Variants in PCDHB5 observed in about 807,000 individuals in gnomAD.
The protein encoded by PCDHB5 is protocadherin beta 5.
For synonymous variants in PCDHB5, 569 were observed against 462.2 expected (o/e 1.23, Z -2.96); for missense variants, 1,125 against 1,029.4 (o/e 1.09, Z -1.27).
rs782178657 is a variant in PCDHB5 at position 141,136,434 on chromosome 5, A to G, written c.1000A>G (p.Ile334Val). ...GGLSGKCTVA[I>V]EVVDVNDNAP... is the part of the protein sequence containing the mutation. ...CCTTTCAGGAAAATGCACTGTGGCT[A>G]TAGAAGTGGTGGATGTGAATGACAA... is the stretch of plus-strand genomic sequence containing the variant. The change falls in exon 1 of 1, where the codon ATA becomes GTA. Residue 334 changes from isoleucine (I) to valine (V), a missense_variant. Ile to Val is a conservative substitution (Grantham distance 29). Transcript: ENST00000231134. The G allele has an allele frequency of 6.2e-7, 1 of 1,614,180 alleles. No individual in the cohort carries two copies. Among genetic ancestry groups the G allele is most frequent in the Non-Finnish European group, 8.5e-7 (1 of 1,180,034 alleles).
Position 141,137,387 on chromosome 5 carries a change from C to T in PCDHB5, c.1953C>T (p.Arg651=), listed in dbSNP as rs782607165. 3 of 1,609,302 alleles carry T rather than the reference C, an allele frequency of 1.9e-6. No individual in the cohort carries two copies. The highest frequency in any genetic ancestry group is 3.3e-5 in the Admixed American group (2 of 59,916). ...TCAAGGACAATGGCGAGCCTCCGCG[C>T]TCGGCCACCGCCACGCTGCACGTGC... ...VLVKDNGEPP[R]SATATLHVLL... The change falls in exon 1 of 1, where the codon CGC becomes CGT. Residue 651 remains arginine (R), a synonymous_variant. Coordinates refer to ENST00000231134, the MANE Select transcript of PCDHB5 (RefSeq NM_015669.5).
rs1563869958 is a variant in PCDHB5 at position 141,135,471 on chromosome 5, C to T, written c.37C>T (p.Gln13Ter). The change falls in exon 1 of 1, where the codon CAA (glutamine) becomes TAA (stop). Residue 13 changes from glutamine to a stop codon, truncating the protein, a stop_gained. Transcript: ENST00000231134. LOFTEE classifies it low-confidence loss of function (END_TRUNC). ...TALAKTPQKR[Q>*]VMFLAILLLL... ...GCTAGCAAAAACGCCACAGAAAAGG[C>T]AAGTTATGTTTCTTGCTATATTGTT... The T allele has an allele frequency of 1.2e-6, 2 of 1,612,614 alleles. No homozygotes were observed. The highest frequency in any genetic ancestry group is 2.2e-5 in the East Asian group (1 of 44,882).
In PCDHB5 at chr5:141,135,409, T is replaced by G; in HGVS notation, c.-26T>G. ...GGGTGGATTGTGTACGGAGTTAAACTGCGCCTTCTGGACCGGGTCTGAACA... is the reference window on the plus strand; with the variant it reads ...GGGTGGATTGTGTACGGAGTTAAACGGCGCCTTCTGGACCGGGTCTGAACA... On this transcript the variant is annotated 5_prime_UTR_variant, in exon 1 of 1. Coordinates refer to ENST00000231134, the MANE Select transcript of PCDHB5 (RefSeq NM_015669.5). 1 of 1,506,564 alleles carries G rather than the reference T, an allele frequency of 6.6e-7. No individual in the cohort carries two copies. The highest frequency in any genetic ancestry group is 9.0e-7 in the Non-Finnish European group (1 of 1,106,924). 93.3% of individuals were successfully genotyped at this position (1,506,564 alleles called of 1,614,324 possible).
chr5:141,138,214 A>G lies in PCDHB5; in HGVS notation c.*392A>G, dbSNP rs1323347286. The G allele has an allele frequency of 1.2e-5, 2 of 165,652 alleles. No homozygotes were observed. Among genetic ancestry groups the G allele is most frequent in the African/African-American group, 4.8e-5 (2 of 41,774 alleles). The allele number at this position is 165,652 out of a possible 1,614,324, so 10.3% of individuals were successfully genotyped here. A position where few individuals can be genotyped will look rare whatever the true frequency, so the allele number is the denominator to read the frequency against. On this transcript the variant is annotated 3_prime_UTR_variant, in exon 1 of 1. Coordinates refer to ENST00000231134, the MANE Select transcript of PCDHB5 (RefSeq NM_015669.5). The stretch of plus-strand genomic sequence containing the variant: ...GCAAAAATTAAAAATGTTTCACATC[A>G]TCATATTTTAATTGTTTAAAACAAA...
Position 141,136,102 on chromosome 5 carries a change from C to A in PCDHB5, c.668C>A (p.Ser223Tyr). The A allele has an allele frequency of 1.2e-6, 2 of 1,614,132 alleles. No homozygotes were observed. The highest frequency in any genetic ancestry group is 1.7e-6 in the Non-Finnish European group (2 of 1,179,966). ...CTGGACGGTGGGGCTCCGCCCAGGT[C>A]CGGGACCACCACAATTCGCATTGTC... ...TALDGGAPPR[S>Y]GTTTIRIVVL... The change falls in exon 1 of 1, where the codon TCC becomes TAC. Residue 223 changes from serine (S) to tyrosine (Y), a missense_variant. Ser to Tyr is a moderately radical substitution (Grantham distance 144, BLOSUM62 -2). Transcript: ENST00000231134.
At position 141,136,679 on chromosome 5, in the gene PCDHB5, G is replaced by A. The variant is rs782572449; in HGVS notation, c.1245G>A (p.Glu415=). The A allele has an allele frequency of 5.6e-6, 9 of 1,614,130 alleles. No homozygotes were observed. The South Asian group carries it at 9.9e-5, about 18-fold the overall frequency. Residue 415 remains glutamate (E), a synonymous_variant, in exon 1 of 1, where the codon GAG becomes GAA. Transcript: ENST00000231134. ...QRTLDRESQA[E]YNITITVTDM... Reference sequence around the variant, plus strand: ...CACTGGACAGAGAGAGCCAAGCCGAGTACAACATCACCATCACTGTCACCG... The same window carrying A: ...CACTGGACAGAGAGAGCCAAGCCGAATACAACATCACCATCACTGTCACCG...
Position 141,136,707 on chromosome 5 carries a change from A to T in PCDHB5, c.1273A>T (p.Met425Leu), listed in dbSNP as rs782263918. 2.0e-5 allele frequency: 32 copies of T among 1,614,046 alleles called. No individual in the cohort carries two copies. In the South Asian group the frequency reaches 3.3e-4, roughly 17 times the overall value. Residue 425 changes from methionine to leucine, a missense_variant, in exon 1 of 1, where the codon ATG becomes TTG. Met to Leu is a conservative substitution (Grantham distance 15). Transcript: ENST00000231134. ...CAACATCACCATCACTGTCACCGAC[A>T]TGGGGACACCCAGGCTGAAAACCGA... is the stretch of plus-strand genomic sequence containing the variant. ...EYNITITVTD[M>L]GTPRLKTEHN...
chr5:141,136,245 G>A lies in PCDHB5; in HGVS notation c.811G>A (p.Ala271Thr). ...VVVVSARDLD[A>T]GAYGSVAYAL... ...CGTTGTCTCCGCTCGAGATTTAGAT[G>A]CAGGAGCATATGGGAGTGTAGCCTA... Residue 271 changes from alanine to threonine, a missense_variant, in exon 1 of 1, where the codon GCA becomes ACA. Transcript: ENST00000231134. The A allele has an allele frequency of 6.2e-7, 1 of 1,614,136 alleles. No homozygotes were observed. The highest frequency in any genetic ancestry group is 1.1e-5 in the South Asian group (1 of 91,064).
rs1752551474 is a variant in PCDHB5 at position 141,135,647 on chromosome 5, C to CA, written c.216dup (p.Glu73ArgfsTer6). ...GCGCGCGAATGCATTACAAAGGAAA[C>CA]AAAGAGCTCTTGCAGCTTGATATAA... is the stretch of plus-strand genomic sequence containing the variant. On this transcript the variant is annotated frameshift_variant, in exon 1 of 1. Coordinates refer to ENST00000231134, the MANE Select transcript of PCDHB5 (RefSeq NM_015669.5). LOFTEE classifies it low-confidence loss of function (END_TRUNC). The CA allele has an allele frequency of 1.2e-6, 2 of 1,614,070 alleles. No individual in the cohort carries two copies. Among genetic ancestry groups the CA allele is most frequent in the African/African-American group, 1.3e-5 (1 of 75,012 alleles).
In PCDHB5 at chr5:141,136,347, G is replaced by T; in HGVS notation, c.913G>T (p.Ala305Ser). ...EKTAEIRLKR[A>S]LDFEATPYYN... ...AACAGCAGAAATTCGCCTGAAAAGGGCATTGGATTTCGAGGCAACTCCATA... is the reference window on the plus strand; with the variant it reads ...AACAGCAGAAATTCGCCTGAAAAGGTCATTGGATTTCGAGGCAACTCCATA... Residue 305 changes from alanine to serine, a missense_variant, in exon 1 of 1, where the codon GCA becomes TCA. Ala to Ser is a moderately conservative substitution (Grantham distance 99). Coordinates refer to ENST00000231134, the MANE Select transcript of PCDHB5 (RefSeq NM_015669.5). 1.2e-6 allele frequency: 2 copies of T among 1,614,122 alleles called. No homozygotes were observed. The highest frequency in any genetic ancestry group is 1.7e-4 in the Middle Eastern group (1 of 6,060).
In PCDHB5 at chr5:141,137,867, T is replaced by G; in HGVS notation, c.*45T>G. 6.6e-7 allele frequency: 1 copy of G among 1,504,064 alleles called. No individual in the cohort carries two copies. The highest frequency in any genetic ancestry group is 1.3e-5 in the South Asian group (1 of 75,130). The allele number at this position is 1,504,064 out of a possible 1,614,324, so 93.2% of individuals were successfully genotyped here. A position where few individuals can be genotyped will look rare whatever the true frequency, so the allele number is the denominator to read the frequency against. ...TGTTTTCTGCCATTTATCCCAAACT[T>G]TTTCAGATCTAGAATTCGAGAGTGT... On this transcript the variant is annotated 3_prime_UTR_variant, in exon 1 of 1. Transcript: ENST00000231134.
chr5:141,137,402 G>C lies in PCDHB5; in HGVS notation c.1968G>C (p.Thr656=), dbSNP rs1554276190. The change falls in exon 1 of 1, where the codon ACG becomes ACC. Residue 656 remains threonine (T), a synonymous_variant. Coordinates refer to ENST00000231134, the MANE Select transcript of PCDHB5 (RefSeq NM_015669.5). Reference sequence around the variant, plus strand: ...AGCCTCCGCGCTCGGCCACCGCCACGCTGCACGTGCTCCTGGTGGACGGCT... The same window carrying C: ...AGCCTCCGCGCTCGGCCACCGCCACCCTGCACGTGCTCCTGGTGGACGGCT... ...NGEPPRSATA[T]LHVLLVDGFS... is the part of the protein sequence containing the mutation. 6.2e-7 allele frequency: 1 copy of C among 1,610,284 alleles called. No homozygotes were observed. Among genetic ancestry groups the C allele is most frequent in the Non-Finnish European group, 8.5e-7 (1 of 1,179,254 alleles).
In PCDHB5 at chr5:141,135,722, C is replaced by A; in HGVS notation, c.288C>A (p.Cys96Ter). 1 of 1,613,970 alleles carries A rather than the reference C, an allele frequency of 6.2e-7. No homozygotes were observed. Among genetic ancestry groups the A allele is most frequent in the Non-Finnish European group, 8.5e-7 (1 of 1,179,968 alleles). The change falls in exon 1 of 1, where the codon TGC becomes TGA. Residue 96 changes from cysteine (C) to a stop codon, truncating the protein, a stop_gained. Coordinates refer to ENST00000231134, the MANE Select transcript of PCDHB5 (RefSeq NM_015669.5). LOFTEE classifies it low-confidence loss of function (END_TRUNC). Reference sequence around the variant, plus strand: ...AAAAACTAGACCGGGAGGTGATGTGCGGGGCGACAGAACCCTGTATATTGC... The same window carrying A: ...AAAAACTAGACCGGGAGGTGATGTGAGGGGCGACAGAACCCTGTATATTGC... The part of the protein sequence containing the change: ...LYEKLDREVM[C>*]GATEPCILHF...
rs1554276173 is a variant in PCDHB5 at position 141,137,335 on chromosome 5, C to T, written c.1901C>T (p.Ala634Val). ...GCCAGGCTGCTGAGCGAGCGCGACG[C>T]GGCCAAGCACAGGCTGGTGGTGCTG... ...RTARLLSERD[A>V]AKHRLVVLVK... Residue 634 changes from alanine (A) to valine (V), a missense_variant, in exon 1 of 1, where the codon GCG (alanine) becomes GTG (valine). Ala to Val is a moderately conservative substitution (Grantham distance 64). Transcript: ENST00000231134. The T allele has an allele frequency of 1.2e-6, 2 of 1,609,846 alleles. No homozygotes were observed. The highest frequency in any genetic ancestry group is 1.7e-5 in the Admixed American group (1 of 59,978).
At position 141,135,216 on chromosome 5, in the gene PCDHB5, A is replaced by C; in HGVS notation, c.-219A>C. ...GTGGCGCTGCAGGCTAAGAGTGTGG[A>C]TAGTGGGCTCTGCGGATAACTCAGA... On this transcript the variant is annotated 5_prime_UTR_variant, in exon 1 of 1. Transcript: ENST00000231134. The C allele has an allele frequency of 1.9e-6, 1 of 520,356 alleles. No individual in the cohort carries two copies. The highest frequency in any genetic ancestry group is 3.0e-5 in the South Asian group (1 of 33,474). 32.2% of individuals were successfully genotyped at this position (520,356 alleles called of 1,614,324 possible).
chr5:141,135,998 C>A lies in PCDHB5; in HGVS notation c.564C>A (p.Gly188=), dbSNP rs1563871170. 1 of 1,614,194 alleles carries A rather than the reference C, an allele frequency of 6.2e-7. No individual in the cohort carries two copies. Among genetic ancestry groups the A allele is most frequent in the East Asian group, 2.2e-5 (1 of 44,874 alleles). Residue 188 remains glycine, a synonymous_variant, in exon 1 of 1, where the codon GGC becomes GGA. Transcript: ENST00000231134. ...TTGCTACGCATAATCGCGGAGATGGCAGAAAATACCCAGAGCTGGTGCTGG... is the reference window on the plus strand; with the variant it reads ...TTGCTACGCATAATCGCGGAGATGGAAGAAAATACCCAGAGCTGGTGCTGG... ...FHVATHNRGD[G]RKYPELVLDK...
At position 141,137,423 on chromosome 5, in the gene PCDHB5, C is replaced by G. The variant is rs373394808; in HGVS notation, c.1989C>G (p.Asp663Glu). 13 of 1,611,388 alleles carry G rather than the reference C, an allele frequency of 8.1e-6. No homozygotes were observed. The highest frequency in any genetic ancestry group is 4.5e-5 in the East Asian group (2 of 44,862). The change falls in exon 1 of 1, where the codon GAC becomes GAG. Residue 663 changes from aspartate (D) to glutamate (E), a missense_variant. Asp to Glu is a conservative substitution (Grantham distance 45). Coordinates refer to ENST00000231134, the MANE Select transcript of PCDHB5 (RefSeq NM_015669.5). ...CCACGCTGCACGTGCTCCTGGTGGA[C>G]GGCTTCTCCCAGCCCTACCTGCCGC... ...ATATLHVLLV[D>E]GFSQPYLPLP...
chr5:141,136,601 C>A lies in PCDHB5; in HGVS notation c.1167C>A (p.Pro389=), dbSNP rs1167640158. The A allele has an allele frequency of 6.2e-7, 1 of 1,614,012 alleles. No individual in the cohort carries two copies. Among genetic ancestry groups the A allele is most frequent in the Non-Finnish European group, 8.5e-7 (1 of 1,180,020 alleles). The change falls in exon 1 of 1, where the codon CCC becomes CCA. Residue 389 remains proline (P), a synonymous_variant. Coordinates refer to ENST00000231134, the MANE Select transcript of PCDHB5 (RefSeq NM_015669.5). ...RMICSIQNDL[P]FLLKPTLKNF... The stretch of plus-strand genomic sequence containing the variant: ...TTTGCTCCATCCAGAATGATCTCCC[C>A]TTTCTTTTGAAGCCCACATTAAAAA...
At position 141,137,931 on chromosome 5, in the gene PCDHB5, T is replaced by A; in HGVS notation, c.*109T>A. ...TTCACCTTGAGATTGAGCTTTTATT[T>A]CCCTTTTTAATGGATTTGTCTGTTG... On this transcript the variant is annotated 3_prime_UTR_variant, in exon 1 of 1. Transcript: ENST00000231134. The A allele has an allele frequency of 9.8e-7, 1 of 1,015,824 alleles. No homozygotes were observed. The highest frequency in any genetic ancestry group is 1.4e-6 in the Non-Finnish European group (1 of 690,188). 62.9% of individuals were successfully genotyped at this position (1,015,824 alleles called of 1,614,324 possible). A position where few individuals can be genotyped will look rare whatever the true frequency, so the allele number is the denominator to read the frequency against.
Sources: allele counts gnomAD v4.1 joint callset, GRCh38; gene constraint gnomAD v4.1.1; transcripts MANE v1.5; gene names NCBI Gene and HGNC (gene_info 2026-07-23, HGNC 2026-07-21).